Variants in ZNF215 observed in about 807,000 individuals in gnomAD.
ZNF215 encodes the protein BWSCR2-associated zinc finger protein 2.
ZNF215 carries 24 observed loss-of-function variants against 27.2 expected under a neutral mutation model. That is an observed-to-expected ratio of 0.88 (90% CI 0.64 to 1.24). The LOEUF (loss-of-function observed/expected upper bound fraction) is 1.24. Ranked by LOEUF, ZNF215 falls within the 50% of genes most tolerant of loss-of-function variation. The probability of loss-of-function intolerance (pLI) is 0.00; values close to 1 mark genes in which losing one functional copy is unlikely to be tolerated. For synonymous variants in ZNF215, 210 were observed against 204.0 expected (o/e 1.03, Z -0.25); for missense variants, 675 against 605.7 (o/e 1.11, Z -1.20).
At chr11:6,930,867 C>G (rs1849232772) in intron 2 of ZNF215, among the ~76,000 whole-genome samples, 1 of 152,218 alleles carries the variant, frequency 6.6e-6, no homozygotes, top group South Asian at 2.1e-4. Context: ...ACTCATGTAT[C>G]TATGACTCCA....
intron 6 of ZNF215, among the ~76,000 whole-genome samples, chr11:6,946,441 A>C (rs1203678358): frequency 6.6e-6 from 1 of 152,186 alleles, no homozygotes; most frequent in Non-Finnish European, 1.5e-5. Flanking sequence ...ATATATATTA[A>C]GCATCTATAT....
chr11:6,992,785 T>A (rs560005816), downstream of ZNF215, among the ~76,000 whole-genome samples: 2 of 151,860 alleles, frequency 1.3e-5, no homozygotes, highest in East Asian at 3.9e-4. Flanking sequence ...CAGGTTAAGA[T>A]TCTGGCTAGT....
At chr11:6,986,890 T>C (rs761744060), downstream of ZNF215, among the ~76,000 whole-genome samples, 4 of 152,076 alleles carry the variant, frequency 2.6e-5, no homozygotes, top group East Asian at 1.9e-4. Context: ...AGCATCTGTT[T>C]CTCTGTTTCC....
chr11:6,930,461 C>G (rs372079392), intron 2 of ZNF215, among the ~76,000 whole-genome samples: 4 of 152,308 alleles, frequency 2.6e-5, no homozygotes, highest in African/African-American at 9.6e-5. Context: ...TAGTCTCCTT[C>G]CCTTGGTTTT....
intron 6 of ZNF215, among the ~76,000 whole-genome samples, chr11:6,951,113 T>C (rs1850038063): frequency 6.6e-6 from 1 of 152,250 alleles, no homozygotes; most frequent in Non-Finnish European, 1.5e-5. Context: ...AGCTTTTTCA[T>C]GTGCTGCTGG....
intron 5 of ZNF215, among the ~76,000 whole-genome samples, chr11:6,964,525 C>T (rs564382180): frequency 1.3e-5 from 2 of 152,060 alleles, no homozygotes; most frequent in South Asian, 4.1e-4. Context: ...ATTGAATTAC[C>T]TTTGAACATG....
downstream of ZNF215, chr11:6,988,347 T>G (rs1851081984): frequency 1.3e-6 from 1 of 773,258 alleles, no homozygotes; most frequent in Non-Finnish European, 1.6e-6. Flanking sequence ...TGTGTCTGGA[T>G]TAGAGTAGGA....
chr11:6,937,887 A>C (rs1849493972), intron 3 of ZNF215, among the ~76,000 whole-genome samples: 1 of 152,022 alleles, frequency 6.6e-6, no homozygotes, highest in Non-Finnish European at 1.5e-5. Flanking sequence ...AGCCAAAATC[A>C]TAAAATTCTG....
At chr11:6,949,361 A>C (rs1849957239) in intron 6 of ZNF215, among the ~76,000 whole-genome samples, 1 of 152,172 alleles carries the variant, frequency 6.6e-6, no homozygotes, top group African/African-American at 2.4e-5. Context: ...TTACAGTCCC[A>C]CCAACAGTAT....
chr11:6,976,463 A>G (rs1377934508), intron 5 of ZNF215, among the ~76,000 whole-genome samples: 1 of 152,070 alleles, frequency 6.6e-6, no homozygotes, highest in African/African-American at 2.4e-5. Context: ...AAGCGCCTAC[A>G]TTGAGTCCAG....
intron 6 of ZNF215, among the ~76,000 whole-genome samples, chr11:6,952,770 T>C (rs1850131155): frequency 6.6e-6 from 1 of 152,206 alleles, no homozygotes; most frequent in Non-Finnish European, 1.5e-5. Context: ...AGTTTGATCC[T>C]ATCATTATGA....
intron 6 of ZNF215, among the ~76,000 whole-genome samples, chr11:6,952,387 C>T (rs1021337163): frequency 6.6e-6 from 1 of 152,126 alleles, no homozygotes; most frequent in South Asian, 2.1e-4. Flanking sequence ...TTGTAGGTCA[C>T]TCAGGACTTG....
In ZNF215 at chr11:6,967,314, G is replaced by A. The variant is rs12418485; in HGVS notation, c.805+11532G>A. Among the ~76,000 whole-genome samples, 364 of 152,036 alleles carry A rather than the reference G, an allele frequency of 2.4e-3. 1 individual carries two copies. Among genetic ancestry groups the A allele is most frequent in the Non-Finnish European group, 2.2e-3 (152 of 67,912 alleles). On this transcript the variant is annotated intron_variant, in intron 5 of 5. Coordinates refer to the ZNF215 transcript ENST00000529903. ...ATAGTAGAATGATTTATAATCCTTT[G>A]GGTACCCAGTAATGGGATTGCTGGT...
chr11:6,977,653 A>C (rs1200711942), intron 5 of ZNF215, among the ~76,000 whole-genome samples: 5 of 152,024 alleles, frequency 3.3e-5, no homozygotes, highest in Non-Finnish European at 5.9e-5. Flanking sequence ...ATGTGAAGAC[A>C]GATGGAGGCC....
intron 5 of ZNF215, among the ~76,000 whole-genome samples, chr11:6,972,381 C>A (rs956661874): frequency 5.4e-5 from 8 of 147,672 alleles, no homozygotes; most frequent in Non-Finnish European, 1.2e-4. Context: ...TCATCAGCCC[C>A]CGTTAGACTA....
At chr11:6,937,048 C>A (rs937309126) in intron 3 of ZNF215, among the ~76,000 whole-genome samples, 2 of 151,956 alleles carry the variant, frequency 1.3e-5, no homozygotes, top group Non-Finnish European at 2.9e-5. Context: ...CTTGCCACTT[C>A]TATTCAATGT....
downstream of ZNF215, among the ~76,000 whole-genome samples, chr11:6,985,663 G>A (rs1392759083): frequency 6.6e-6 from 1 of 152,108 alleles, no homozygotes; most frequent in Non-Finnish European, 1.5e-5. Context: ...AATGCTCCTA[G>A]AGCTTATAAA....
intron 6 of ZNF215, among the ~76,000 whole-genome samples, chr11:6,954,954 G>A (rs922851509): frequency 5.3e-5 from 8 of 152,102 alleles, no homozygotes; most frequent in Admixed American, 3.9e-4. Flanking sequence ...TAAATGAGAG[G>A]AATTTTGAGA....
chr11:6,951,853 T>C (rs951556428), intron 6 of ZNF215, among the ~76,000 whole-genome samples: 1 of 152,198 alleles, frequency 6.6e-6, no homozygotes, highest in Non-Finnish European at 1.5e-5. Flanking sequence ...TCTTTCCTGC[T>C]TTCTCTTGTG....
Sources: gnomAD v4.1 joint callset for allele counts (sites outside exome capture counted in the v4.1 genomes callset) on GRCh38, gnomAD v4.1.1 for gene constraint, MANE v1.5 for transcripts, NCBI Gene and HGNC (gene_info 2026-07-23, HGNC 2026-07-21) for gene names.